The following IRAG1 variants were observed in gnomAD, a reference collection of about 807,000 sequenced individuals.
IRAG1 encodes IP3R-associated cGMP kinase substrate.
IRAG1 carries 62 observed loss-of-function variants against 106.2 expected under a neutral mutation model. The ratio of observed to expected loss-of-function variants is 0.58; its 90% CI spans 0.48 to 0.72. The LOEUF (loss-of-function observed/expected upper bound fraction) is 0.72. Among genes scored for constraint, IRAG1 ranks in the 30% least tolerant of loss-of-function variants. The probability of loss-of-function intolerance (pLI) is 0.00; values close to 1 mark genes in which losing one functional copy is unlikely to be tolerated. For missense variants in IRAG1, 1,064 were observed against 1,140.7 expected (o/e 0.93, Z 0.97); for synonymous variants, 462 against 443.9 (o/e 1.04, Z -0.51).
intron 1 of IRAG1, among the ~76,000 whole-genome samples, chr11:10,661,674 C>A (rs1859414470): frequency 6.6e-6 from 1 of 152,206 alleles, no homozygotes; most frequent in South Asian, 2.1e-4. Context: ...CTGCTTCCCC[C>A]TTCACATTTC....
chr11:10,679,943 C>A (rs1476582802), intron 1 of IRAG1, among the ~76,000 whole-genome samples: 1 of 152,068 alleles, frequency 6.6e-6, no homozygotes, highest in Non-Finnish European at 1.5e-5. Flanking sequence ...GACCATGAAA[C>A]GTTTTTCCAA....
chr11:10,625,667 G>A (rs1856188315), intron 9 of IRAG1, among the ~76,000 whole-genome samples: 1 of 152,106 alleles, frequency 6.6e-6, no homozygotes, highest in Non-Finnish European at 1.5e-5. Flanking sequence ...CCAGGACTGA[G>A]GGGCCCACAT....
intron 10 of IRAG1, among the ~76,000 whole-genome samples, 173 bp from the exon 11 acceptor site, chr11:10,610,024 C>T (rs1854809735): frequency 6.6e-6 from 1 of 152,208 alleles, no homozygotes; most frequent in African/African-American, 2.4e-5. Flanking sequence ...TCCCATTTCA[C>T]ATGTAGATAA....
intron 1 of IRAG1, among the ~76,000 whole-genome samples, chr11:10,652,646 G>C (rs1243313775): frequency 4.6e-5 from 7 of 152,186 alleles, no homozygotes; most frequent in Admixed American, 3.3e-4. Context: ...GCCCCAGAGA[G>C]TGAAAGTCAC....
intron 3 of IRAG1, among the ~76,000 whole-genome samples, chr11:10,633,281 T>C (rs532538597): frequency 6.6e-6 from 1 of 152,150 alleles, no homozygotes; most frequent in Non-Finnish European, 1.5e-5. Flanking sequence ...TTCACTGTGT[T>C]AGCCAGGATG....
In IRAG1 at chr11:10,647,025, G is replaced by T. The variant is rs1474541823; in HGVS notation, c.225+5000C>A. Among the ~76,000 whole-genome samples, 1 of 152,198 alleles carries T rather than the reference G, an allele frequency of 6.6e-6. No individual in the cohort carries two copies. The highest frequency in any genetic ancestry group is 2.4e-5 in the African/African-American group (1 of 41,476). ...CTTTGGTTGCTGGCCCCACGAGCTT[G>T]TGCTCCTGAGGGGCTGGCAGGCAGA... On this transcript the variant is annotated intron_variant, in intron 2 of 20. Coordinates refer to ENST00000423302, the MANE Select transcript of IRAG1 (RefSeq NM_130385.4). The surrounding 1 kb of genome is among the most constrained non-coding windows in gnomAD (Gnocchi z 4.3).
chr11:10,623,640 CA>C, intron 10 of IRAG1, 137 bp downstream of exon 10: 1 of 813,248 alleles, frequency 1.2e-6, no homozygotes, highest in Non-Finnish European at 2.0e-6. Context: ...GCAGAAGACA[CA>C]ATCGGATTCA....
At position 10,665,976 on chromosome 11, in the gene IRAG1, G is replaced by A. The variant is rs1859756016; in HGVS notation, c.68-13794C>T. On this transcript the variant is annotated intron_variant, in intron 1 of 20. Coordinates refer to ENST00000423302, the MANE Select transcript of IRAG1 (RefSeq NM_130385.4). This position sits in a 1 kb window ranked among gnomAD's most constrained non-coding sequence, Gnocchi z 4.2. ...AATGGCAGGGGTGGGTGGAAGCCGG[G>A]AGGGTAGAGCCTGGGAATGGCTCTC... is the stretch of plus-strand genomic sequence containing the variant. Among the ~76,000 whole-genome samples the A allele has an allele frequency of 6.6e-6, 1 of 152,188 alleles. No homozygotes were observed. Among genetic ancestry groups the A allele is most frequent in the East Asian group, 1.9e-4 (1 of 5,196 alleles).
intron 3 of IRAG1, among the ~76,000 whole-genome samples, 164 bp downstream of exon 3, chr11:10,633,803 GA>G (rs1381418457): frequency 6.6e-6 from 1 of 152,078 alleles, no homozygotes; most frequent in Non-Finnish European, 1.5e-5. Context: ...GAAGATAATG[GA>G]AAAATTCCTA....
rs770091602 is a variant in IRAG1 at position 10,580,538 on chromosome 11, C to G, written c.2412G>C (p.Glu804Asp). ...GACTCTCACTCTTCTGTTCTTCCTCCTCCTCCTTCAGGTCTTGAAGTTCTT... is the reference window on the plus strand; with the variant it reads ...GACTCTCACTCTTCTGTTCTTCCTCGTCCTCCTTCAGGTCTTGAAGTTCTT... ...KTKELQDLKEEEEEQKSESPE... is the reference protein window; with the variant it reads ...KTKELQDLKEDEEEQKSESPE... Residue 804 changes from glutamate (E) to aspartate (D), a missense_variant, in exon 20 of 21, where the codon GAG becomes GAC. Physicochemically the swap from Glu to Asp is conservative, Grantham distance 45. Coordinates refer to ENST00000423302, the MANE Select transcript of IRAG1 (RefSeq NM_130385.4). 1 of 1,613,834 alleles carries G rather than the reference C, an allele frequency of 6.2e-7. No homozygotes were observed. Among genetic ancestry groups the G allele is most frequent in the African/African-American group, 1.3e-5 (1 of 74,906 alleles).
intron 1 of IRAG1, among the ~76,000 whole-genome samples, chr11:10,660,783 G>T (rs1462083118): frequency 1.3e-5 from 2 of 152,114 alleles, no homozygotes; most frequent in African/African-American, 4.8e-5. Flanking sequence ...GTGCCCCAGA[G>T]AATGGCACTC....
At chr11:10,642,328 T>C (rs1857575279) in intron 2 of IRAG1, among the ~76,000 whole-genome samples, 1 of 152,248 alleles carries the variant, frequency 6.6e-6, no homozygotes, top group African/African-American at 2.4e-5. Context: ...TGCACAATAG[T>C]TTTCCTAACC....
intron 1 of IRAG1, chr11:10,687,719 C>T: frequency 7.8e-7 from 1 of 1,289,028 alleles, no homozygotes; most frequent in Non-Finnish European, 1.0e-6. Flanking sequence ...AGAATAGGAC[C>T]CAGGACTGTG....
chr11:10,579,406 C>A (rs1851163359), intron 20 of IRAG1, among the ~76,000 whole-genome samples: 1 of 152,168 alleles, frequency 6.6e-6, no homozygotes, highest in Non-Finnish European at 1.5e-5. Context: ...GATATTTTGT[C>A]TGGAGCTGCC....
At chr11:10,649,663 C>A (rs1055213610) in intron 2 of IRAG1, among the ~76,000 whole-genome samples, 73 of 152,300 alleles carry the variant, frequency 4.8e-4, no homozygotes, top group African/African-American at 1.6e-3. Flanking sequence ...CCTTCCTAAC[C>A]ATCACAGCTT....
chr11:10,675,322 T>C (rs920701682), intron 1 of IRAG1, among the ~76,000 whole-genome samples: 1 of 152,170 alleles, frequency 6.6e-6, no homozygotes, highest in Non-Finnish European at 1.5e-5. Context: ...CCTGGTTCCG[T>C]TGGCTCCTGC....
At position 10,647,200 on chromosome 11, in the gene IRAG1, G is replaced by A. The variant is rs1400955462; in HGVS notation, c.225+4825C>T. Among the ~76,000 whole-genome samples the A allele has an allele frequency of 1.3e-5, 2 of 152,200 alleles. No individual in the cohort carries two copies. The highest frequency in any genetic ancestry group is 2.9e-5 in the Non-Finnish European group (2 of 68,038). ...GACCCAGGGGCAGTAACAGTGCTCA[G>A]TGCGGGTATGGACTAAGCATGGGCT... On this transcript the variant is annotated intron_variant, in intron 2 of 20. Transcript: ENST00000423302. The surrounding 1 kb of genome is among the most constrained non-coding windows in gnomAD (Gnocchi z 4.3).
chr11:10,650,606 T>C lies in IRAG1; in HGVS notation c.225+1419A>G, dbSNP rs1858401119. On this transcript the variant is annotated intron_variant, in intron 2 of 20. Transcript: ENST00000423302. ...CCAAGAAAGTCATGGCCTGAGGGTC[T>C]GGAAGCAGTCGCATTTGAATGCAGT... is the stretch of plus-strand genomic sequence containing the variant. Among the ~76,000 whole-genome samples the C allele has an allele frequency of 2.0e-5, 3 of 152,224 alleles. No homozygotes were observed. The South Asian group carries it at 6.2e-4, about 32-fold the overall frequency.
intron 1 of IRAG1, among the ~76,000 whole-genome samples, chr11:10,685,957 T>A (rs1861633428): frequency 6.6e-6 from 1 of 152,036 alleles, no homozygotes. Context: ...CCTTCCAAAC[T>A]ACAACGGGGA....
Sources: allele counts gnomAD v4.1 joint callset (sites outside exome capture counted in the v4.1 genomes callset), GRCh38; gene constraint gnomAD v4.1.1; non-coding constraint Gnocchi (gnomAD v3.1); transcripts MANE v1.5; gene names NCBI Gene and HGNC (gene_info 2026-07-23, HGNC 2026-07-21).